Variants in TSPAN14 observed in about 807,000 individuals in gnomAD.
TSPAN14 encodes the protein tetraspanin 14, also known as tetraspanin-14.
A neutral mutation model predicts 36.6 loss-of-function variants in TSPAN14; 16 were observed. The ratio of observed to expected loss-of-function variants is 0.44; its 90% CI spans 0.30 to 0.66. TSPAN14 has a LOEUF of 0.66. Ranked by LOEUF, TSPAN14 falls within the 30% of genes least tolerant of loss-of-function variation. The probability of loss-of-function intolerance (pLI) is 0.12; values close to 1 mark genes in which losing one functional copy is unlikely to be tolerated. For synonymous variants in TSPAN14, 139 were observed against 143.8 expected (o/e 0.97, Z 0.24); for missense variants, 231 against 355.1 (o/e 0.65, Z 2.81).
At chr10:80,517,860 T>G in intron 8 of TSPAN14, 45 bp from the exon 9 acceptor site, 2 of 1,541,870 alleles carry the variant, frequency 1.3e-6, no homozygotes, top group Non-Finnish European at 1.8e-6. Context: ...CCCTCTGCCT[T>G]TGGGCCCCAG....
At chr10:80,498,634 A>G (rs1411826066) in intron 2 of TSPAN14, among the ~76,000 whole-genome samples, 2 of 152,210 alleles carry the variant, frequency 1.3e-5, no homozygotes, top group Non-Finnish European at 2.9e-5. Context: ...CAAGAGAAGG[A>G]GACTCTGTCT....
At chr10:80,462,344 A>G in intron 1 of TSPAN14, among the ~76,000 whole-genome samples, 1 of 80,750 alleles carries the variant, frequency 1.2e-5, no homozygotes, top group African/African-American at 7.0e-5. Context: ...CCTAGGGCGT[A>G]GGAATGGGGT....
chr10:80,460,758 C>T (rs7086496), intron 1 of TSPAN14, among the ~76,000 whole-genome samples: 73,386 of 151,936 alleles, frequency 0.48, 18,588 homozygotes, highest in East Asian at 0.85. Flanking sequence ...TCGCATGGAC[C>T]TGGGTCCTTG....
At chr10:80,516,271 C>T (rs1298716217) in exon 8 of TSPAN14, 3 of 1,614,138 alleles carry the variant, frequency 1.9e-6, no homozygotes, top group African/African-American at 1.3e-5. Flanking sequence ...AGCTGGCTCC[C>T]GCGGAACATT....
At chr10:80,488,215 C>CT (rs1468625054) in intron 1 of TSPAN14, among the ~76,000 whole-genome samples, 4 of 152,154 alleles carry the variant, frequency 2.6e-5, no homozygotes, top group African/African-American at 9.7e-5. Flanking sequence ...GAGGCACTCC[C>CT]TCCTTCCCCA....
chr10:80,489,152 G>A, intron 1 of TSPAN14, 65 bp from the exon 2 acceptor site: 1 of 1,079,062 alleles, frequency 9.3e-7, no homozygotes, highest in Middle Eastern at 2.0e-4. Flanking sequence ...CCGCATATGA[G>A]CTGGTTTGGG....
At chr10:80,520,424 C>A (rs768914719) in exon 9 of TSPAN14, 4 of 416,746 alleles carry the variant, frequency 9.6e-6, no homozygotes, top group Non-Finnish European at 1.9e-5. Context: ...CGCACAGAGG[C>A]ACAGGGCAGG....
intron 2 of TSPAN14, among the ~76,000 whole-genome samples, chr10:80,490,126 T>C (rs1426827511): frequency 2.0e-5 from 3 of 152,118 alleles, no homozygotes; most frequent in Non-Finnish European, 4.4e-5. Context: ...GGCTTGTAAG[T>C]TGGGTGGTGT....
At position 80,465,223 on chromosome 10, in the gene TSPAN14, A is replaced by G. The variant is rs1457594527; in HGVS notation, c.-18+10852A>G. Among the ~76,000 whole-genome samples, 5 of 152,032 alleles carry G rather than the reference A, an allele frequency of 3.3e-5. 1 individual carries two copies. The highest frequency in any genetic ancestry group is 7.2e-5 in the African/African-American group (3 of 41,410). ...CTGTGCCCTTGGGTGGGGGCCAGGC[A>G]CGTGCCTGGGTTGCTATTAGTCTCC... On this transcript the variant is annotated intron_variant, in intron 1 of 8. Transcript: ENST00000429989.
intron 2 of TSPAN14, among the ~76,000 whole-genome samples, chr10:80,491,783 T>A (rs1299807487): frequency 6.6e-6 from 1 of 152,104 alleles, no homozygotes; most frequent in Non-Finnish European, 1.5e-5. Flanking sequence ...TTTCAGTTAG[T>A]GTGCCTTGGG....
rs1840470212 is a variant in TSPAN14 at position 80,509,239 on chromosome 10, ATG to A, written c.280-55_280-54del. On this transcript the variant is annotated intron_variant, in intron 4 of 8. Transcript: ENST00000429989. The surrounding 1 kb of genome is among the most constrained non-coding windows in gnomAD (Gnocchi z 4.7). ...TGGTGGTTCTGGGTCAGGTGGGGTT[ATG>A]TGTGTGGGGGTGCAGGCTGGTGGGG... 1 of 1,549,022 alleles carries A rather than the reference ATG, an allele frequency of 6.5e-7. No individual in the cohort carries two copies. The highest frequency in any genetic ancestry group is 8.8e-7 in the Non-Finnish European group (1 of 1,136,322).
intron 8 of TSPAN14, among the ~76,000 whole-genome samples, chr10:80,516,739 T>A (rs1798282660): frequency 6.6e-6 from 1 of 152,216 alleles, no homozygotes; most frequent in Non-Finnish European, 1.5e-5. Flanking sequence ...GAGGGTGGCC[T>A]GAGGCTCACG....
At chr10:80,492,481 G>A (rs539521830) in intron 2 of TSPAN14, among the ~76,000 whole-genome samples, 1 of 152,286 alleles carries the variant, frequency 6.6e-6, no homozygotes, top group South Asian at 2.1e-4. Flanking sequence ...TAGGTGTTGG[G>A]ACAAATATGA....
At chr10:80,480,696 C>A (rs936765344) in intron 1 of TSPAN14, among the ~76,000 whole-genome samples, 1 of 151,842 alleles carries the variant, frequency 6.6e-6, no homozygotes, top group Non-Finnish European at 1.5e-5. Context: ...AACCAAACAC[C>A]GTATATTCTC....
At chr10:80,520,202 G>T (rs927883889) in exon 9 of TSPAN14, 4 of 174,098 alleles carry the variant, frequency 2.3e-5, no homozygotes, top group Admixed American at 1.7e-4. Context: ...GCTCCTGGAA[G>T]GCTCCTGCAG....
chr10:80,506,262 C>CTGT (rs1196358520), intron 3 of TSPAN14, among the ~76,000 whole-genome samples: 15 of 152,216 alleles, frequency 9.9e-5, no homozygotes, highest in Admixed American at 6.5e-5. Flanking sequence ...CGTGAGCCGC[C>CTGT]ATGCCCAGAC....
exon 9 of TSPAN14, chr10:80,522,535 A>G (rs562819491): frequency 1.3e-5 from 2 of 152,264 alleles, no homozygotes; most frequent in Middle Eastern, 3.4e-3. Context: ...AAAAACTACT[A>G]CAATAAATTA....
chr10:80,502,331 C>T (rs192350816), intron 2 of TSPAN14, among the ~76,000 whole-genome samples: 5 of 152,220 alleles, frequency 3.3e-5, no homozygotes, highest in East Asian at 3.9e-4. Flanking sequence ...TCTAGGTCTG[C>T]GTGGGAAGTC....
At chr10:80,517,788 C>T (rs1333610359) in intron 8 of TSPAN14, 117 bp from the exon 9 acceptor site, 7 of 985,608 alleles carry the variant, frequency 7.1e-6, no homozygotes, top group South Asian at 2.9e-5. Context: ...CGTCTTCAGT[C>T]GCAGCTGGGG....
Sources: gnomAD v4.1 joint callset for allele counts (sites outside exome capture counted in the v4.1 genomes callset) on GRCh38, gnomAD v4.1.1 for gene constraint, Gnocchi (gnomAD v3.1) non-coding constraint, MANE v1.5 for transcripts, NCBI Gene and HGNC (gene_info 2026-07-23, HGNC 2026-07-21) for gene names.